The following NRXN1 variants were observed in gnomAD, a reference collection of about 807,000 sequenced individuals.
The protein encoded by NRXN1 is neurexin-1.
Under a neutral mutation model 150.9 loss-of-function variants are expected in NRXN1, and 39 were observed. The observed-to-expected ratio is 0.26, with a 90% CI of 0.20 to 0.34. The LOEUF (loss-of-function observed/expected upper bound fraction) is 0.34. NRXN1 is among the 10% of genes least tolerant of loss of function. NRXN1 has a pLI of 1.00. For missense variants in NRXN1, 1,815 were observed against 1,949.9 expected, an observed-to-expected ratio of 0.93 and a Z score of 1.30; for synonymous variants, 924 against 757.0, an observed-to-expected ratio of 1.22 and a Z score of -3.62.
intron 5 of NRXN1, among the ~76,000 whole-genome samples, chr2:50,699,132 C>T (rs946066976): frequency 7.9e-5 from 12 of 152,156 alleles, no homozygotes; most frequent in African/African-American, 1.7e-4. Context: ...ATAGCAGGAT[C>T]TAGCCTCCAA....
intron 2 of NRXN1, among the ~76,000 whole-genome samples, chr2:51,003,421 G>C (rs1343404391): frequency 2.6e-5 from 4 of 152,070 alleles, no homozygotes; most frequent in Middle Eastern, 6.8e-3. Flanking sequence ...GAAATGACTA[G>C]AGATAAATTA....
intron 5 of NRXN1, among the ~76,000 whole-genome samples, chr2:50,636,798 C>A (rs1214132814): frequency 2.6e-5 from 4 of 152,118 alleles, no homozygotes; most frequent in African/African-American, 2.4e-5. Flanking sequence ...GAAAACAATA[C>A]CTTCAATGGA....
At chr2:50,555,969 C>T (rs1461576978) in intron 8 of NRXN1, among the ~76,000 whole-genome samples, 2 of 152,134 alleles carry the variant, frequency 1.3e-5, no homozygotes, top group African/African-American at 4.8e-5. Flanking sequence ...TGTGCTTCTC[C>T]TCAACATAGT....
chr2:50,555,798 A>G (rs1295503240), intron 8 of NRXN1, among the ~76,000 whole-genome samples: 1 of 152,222 alleles, frequency 6.6e-6, no homozygotes, highest in African/African-American at 2.4e-5. Flanking sequence ...TTCTCTAGAA[A>G]AAAGCATAAA....
At chr2:50,079,424 A>G (rs1475394962) in intron 19 of NRXN1, among the ~76,000 whole-genome samples, 3 of 152,022 alleles carry the variant, frequency 2.0e-5, no homozygotes, top group Non-Finnish European at 4.4e-5. Context: ...AGTAATTGTG[A>G]CCATGTGGTT....
chr2:50,248,539 T>C (rs998214411), intron 17 of NRXN1, among the ~76,000 whole-genome samples: 1 of 152,162 alleles, frequency 6.6e-6, no homozygotes, highest in African/African-American at 2.4e-5. Context: ...AAAATGAACA[T>C]ATTCTAAAAA....
intron 17 of NRXN1, among the ~76,000 whole-genome samples, chr2:50,418,415 A>G (rs2083716165): frequency 6.6e-6 from 1 of 152,086 alleles, no homozygotes; most frequent in African/African-American, 2.4e-5. Flanking sequence ...GATGCTGCAA[A>G]TCATAAATGT....
At chr2:50,825,545 G>A (rs1670329223) in intron 5 of NRXN1, among the ~76,000 whole-genome samples, 1 of 152,216 alleles carries the variant, frequency 6.6e-6, no homozygotes, top group African/African-American at 2.4e-5. Flanking sequence ...CCTGACAGCT[G>A]AACATGTGGA....
chr2:50,659,899 G>C (rs1382784746), intron 5 of NRXN1, among the ~76,000 whole-genome samples: 1 of 151,730 alleles, frequency 6.6e-6, no homozygotes, highest in Non-Finnish European at 1.5e-5. Flanking sequence ...ATGATTAGAG[G>C]CTTTGAAGAA....
chr2:50,996,747 A>G (rs945268474), intron 2 of NRXN1, among the ~76,000 whole-genome samples: 2 of 152,050 alleles, frequency 1.3e-5, no homozygotes, highest in African/African-American at 4.8e-5. Flanking sequence ...TGGCTGAGCT[A>G]GGACTCAGTC....
chr2:50,972,522 A>C (rs909279503), intron 2 of NRXN1, among the ~76,000 whole-genome samples: 1 of 152,152 alleles, frequency 6.6e-6, no homozygotes, highest in Admixed American at 6.6e-5. Flanking sequence ...TGATTCAAAC[A>C]CATTTATTTT....
At chr2:50,268,694 T>C (rs185984704) in intron 17 of NRXN1, among the ~76,000 whole-genome samples, 5 of 152,298 alleles carry the variant, frequency 3.3e-5, no homozygotes, top group East Asian at 3.9e-4. Context: ...AAATGAAATA[T>C]TGTCTGTGAG....
intron 2 of NRXN1, among the ~76,000 whole-genome samples, chr2:50,967,987 G>A (rs945226094): frequency 1.3e-5 from 2 of 151,866 alleles, no homozygotes; most frequent in East Asian, 1.9e-4. Flanking sequence ...AATCTCTCTC[G>A]GGGCTAACTT....
At chr2:50,367,103 A>C (rs1419620862) in intron 17 of NRXN1, among the ~76,000 whole-genome samples, 1 of 151,966 alleles carries the variant, frequency 6.6e-6, no homozygotes, top group African/African-American at 2.4e-5. Flanking sequence ...GTTTCTCCAG[A>C]TGCATTTTAG....
chr2:50,838,191 G>A (rs1312031072), intron 5 of NRXN1, among the ~76,000 whole-genome samples: 1 of 152,096 alleles, frequency 6.6e-6, no homozygotes, highest in Non-Finnish European at 1.5e-5. Flanking sequence ...TATCAGCAAT[G>A]TTAGTGTAGG....
Position 50,015,999 on chromosome 2 carries a change from G to A in NRXN1, c.4128+37272C>T, listed in dbSNP as rs140384316. Among the ~76,000 whole-genome samples the A allele has an allele frequency of 1.1e-4, 16 of 152,286 alleles. No homozygotes were observed. The East Asian group carries it at 3.1e-3, about 29-fold the overall frequency. ...GGCTAAATAGATAAATAGTTTTCAA[G>A]TGAAAATGTAATTGTGAAGTGCAGT... is the stretch of plus-strand genomic sequence containing the variant. On this transcript the variant is annotated intron_variant, in intron 21 of 22. Transcript: ENST00000401669.
chr2:50,203,865 T>C (rs2062368504), intron 18 of NRXN1, among the ~76,000 whole-genome samples: 1 of 152,284 alleles, frequency 6.6e-6, no homozygotes, highest in African/African-American at 2.4e-5. Context: ...TAGGCTTTCT[T>C]AATCTTAAGC....
intron 21 of NRXN1, among the ~76,000 whole-genome samples, chr2:50,039,603 C>CACAGTAATGGTAATCTAAATGGTCTTCAT (rs1690610894): frequency 6.6e-6 from 1 of 152,198 alleles, no homozygotes. Context: ...TCTCCATACT[C>CACAGTAATGGTAATCTAAATGGTCTTCAT]TGTTTATTCT....
chr2:50,783,658 A>C (rs1225698287), intron 5 of NRXN1, among the ~76,000 whole-genome samples: 3 of 152,136 alleles, frequency 2.0e-5, no homozygotes, highest in Non-Finnish European at 2.9e-5. Flanking sequence ...TGCTACTAAG[A>C]ACATTTTTCT....
Sources: allele counts gnomAD v4.1 joint callset (sites outside exome capture counted in the v4.1 genomes callset), GRCh38; gene constraint gnomAD v4.1.1; transcripts MANE v1.5; gene names NCBI Gene and HGNC (gene_info 2026-07-23, HGNC 2026-07-21).